PTPRF: variants seen among roughly 807,000 people sequenced by gnomAD.
PTPRF encodes the protein receptor-type tyrosine-protein phosphatase F.
In PTPRF, 59 loss-of-function variants were observed where a neutral mutation model predicts 201.8. That is an observed-to-expected ratio of 0.29 (90% CI 0.24 to 0.36). PTPRF has a LOEUF of 0.36. Ranked by LOEUF, PTPRF falls within the 10% of genes least tolerant of loss-of-function variation. The probability of loss-of-function intolerance (pLI) is 1.00; values close to 1 mark genes in which losing one functional copy is unlikely to be tolerated. For missense variants in PTPRF, 2,132 were observed against 2,690.5 expected (o/e 0.79, Z 4.59); for synonymous variants, 1,088 against 1,089.7 (o/e 1.00, Z 0.03).
chr1:43,560,262 T>C (rs780899663), intron 5 of PTPRF, among the ~76,000 whole-genome samples: 1 of 150,900 alleles, frequency 6.6e-6, no homozygotes, highest in South Asian at 2.1e-4. Context: ...TGTGTGTGTG[T>C]GTACATGCGC....
intron 23 of PTPRF, among the ~76,000 whole-genome samples, chr1:43,615,202 C>T (rs530106148): frequency 3.3e-5 from 5 of 152,308 alleles, no homozygotes; most frequent in Non-Finnish European, 4.4e-5. Flanking sequence ...AGTATGTCTG[C>T]GGCACAGCAA....
Position 43,617,824 on chromosome 1 carries a change from C to T in PTPRF, c.4284C>T (p.Pro1428=), listed in dbSNP as rs375830735. Residue 1428 remains proline, a synonymous_variant, in exon 25 of 34, where the codon CCC becomes CCT. Coordinates refer to ENST00000359947, the MANE Select transcript of PTPRF (RefSeq NM_002840.5). Reference sequence around the variant, plus strand: ...ACATCGCCACGCAGGGCCCCCTGCCCGAGACCATGGGTGATTTCTGGAGGA... The same window carrying T: ...ACATCGCCACGCAGGGCCCCCTGCCTGAGACCATGGGTGATTTCTGGAGGA... ...NAYIATQGPL[P]ETMGDFWRMV... The T allele has an allele frequency of 1.1e-4, 173 of 1,613,858 alleles. No homozygotes were observed. Among genetic ancestry groups the T allele is most frequent in the African/African-American group, 5.3e-4 (40 of 74,914 alleles).
At position 43,591,315 on chromosome 1, in the gene PTPRF, G is replaced by C. The variant is rs1557789818; in HGVS notation, c.1293G>C (p.Leu431=). The C allele has an allele frequency of 6.4e-7, 1 of 1,551,874 alleles. No homozygotes were observed. Among genetic ancestry groups the C allele is most frequent in the Non-Finnish European group, 8.7e-7 (1 of 1,149,298 alleles). ...GCATGCTGAGCGCCAGCACCATGCT[G>C]GTGCAGTGGGAGCCTCCCGAGGAGC... ...QARMLSASTM[L]VQWEPPEEPN... The change falls in exon 9 of 34, where the codon CTG becomes CTC. Residue 431 remains leucine, a synonymous_variant. Transcript: ENST00000359947.
At position 43,592,342 on chromosome 1, in the gene PTPRF, C is replaced by G. The variant is rs1035975003; in HGVS notation, c.1669-115C>G. The G allele has an allele frequency of 2.0e-5, 26 of 1,301,388 alleles. No homozygotes were observed. The African/African-American group carries it at 3.9e-4, about 19-fold the overall frequency. The allele number at this position is 1,301,388 out of a possible 1,614,324, so 80.6% of individuals were successfully genotyped here. On this transcript the variant is annotated intron_variant, in intron 10 of 33. Coordinates refer to ENST00000359947, the MANE Select transcript of PTPRF (RefSeq NM_002840.5). ...CTCCATGTGGCCTTATGGTGTGGAG[C>G]CAGTCCTGGAGCCGTGGTGGGTCCA...
At chr1:43,549,488 T>C (rs1003588434) in intron 3 of PTPRF, among the ~76,000 whole-genome samples, 2 of 152,060 alleles carry the variant, frequency 1.3e-5, no homozygotes, top group African/African-American at 4.8e-5. Flanking sequence ...GTGGCCTAGG[T>C]GGTGGGTCCA....
At chr1:43,551,976 C>G (rs1422092987) in intron 3 of PTPRF, among the ~76,000 whole-genome samples, 1 of 152,120 alleles carries the variant, frequency 6.6e-6, no homozygotes, top group Non-Finnish European at 1.5e-5. Flanking sequence ...CTCCCTACCC[C>G]GCTCCCATAG....
rs1243765158 is a variant in PTPRF at position 43,619,384 on chromosome 1, C to T, written c.4743C>T (p.Thr1581=). ...CGGTGGACATCTATGGCCACGTGACCTGCATGCGATCACAGAGGAACTACA... is the reference window on the plus strand; with the variant it reads ...CGGTGGACATCTATGGCCACGTGACTTGCATGCGATCACAGAGGAACTACA... ...EKTVDIYGHV[T]CMRSQRNYMV... Residue 1581 remains threonine (T), a synonymous_variant, in exon 28 of 34, where the codon ACC becomes ACT. Coordinates refer to ENST00000359947, the MANE Select transcript of PTPRF (RefSeq NM_002840.5). 6.2e-7 allele frequency: 1 copy of T among 1,614,112 alleles called. No individual in the cohort carries two copies.
chr1:43,570,910 G>T (rs1276514985), intron 6 of PTPRF, among the ~76,000 whole-genome samples: 1 of 152,194 alleles, frequency 6.6e-6, no homozygotes, highest in Non-Finnish European at 1.5e-5. Flanking sequence ...GCTGCCCAGC[G>T]CAGCACAGCG....
At chr1:43,585,729 A>G (rs1244812313) in intron 7 of PTPRF, among the ~76,000 whole-genome samples, 2 of 152,228 alleles carry the variant, frequency 1.3e-5, no homozygotes, top group Non-Finnish European at 2.9e-5. Context: ...TTTGGCCTGA[A>G]GACCCTGTCC....
intron 8 of PTPRF, among the ~76,000 whole-genome samples, chr1:43,590,107 G>GCTTTCCGTTTGCCATGTT (rs1650275081): frequency 6.6e-6 from 1 of 152,170 alleles, no homozygotes; most frequent in Non-Finnish European, 1.5e-5. Flanking sequence ...CGCGCCAGCT[G>GCTTTCCGTTTGCCATGTT]TCCAGACACA....
chr1:43,532,309 G>A (rs368047474), intron 1 of PTPRF, among the ~76,000 whole-genome samples: 2 of 152,330 alleles, frequency 1.3e-5, no homozygotes, highest in Admixed American at 1.3e-4. Context: ...GAGCAGGTTG[G>A]GGGTGGGGAG....
chr1:43,603,564 T>TGGGGCAGCAGGAGGGCA lies in PTPRF; in HGVS notation c.2458+33_2459-29dup. The TGGGGCAGCAGGAGGGCA allele has an allele frequency of 3.1e-6, 5 of 1,611,896 alleles. No individual in the cohort carries two copies. The highest frequency in any genetic ancestry group is 1.3e-5 in the African/African-American group (1 of 74,608). On this transcript the variant is annotated intron_variant, in intron 15 of 33. Transcript: ENST00000359947. The surrounding 1 kb of genome is among the most constrained non-coding windows in gnomAD (Gnocchi z 5.8). Reference sequence around the variant, plus strand: ...TGAGGGGTCAGGACGGACCTGAGGGTGGGGCAGCAGGAGGGCAGCGCCAGA... The same window carrying TGGGGCAGCAGGAGGGCA: ...TGAGGGGTCAGGACGGACCTGAGGGTGGGGCAGCAGGAGGGCAGGGGCAGCAGGAGGGCAGCGCCAGA...
At chr1:43,557,899 T>C (rs1169512022) in intron 5 of PTPRF, among the ~76,000 whole-genome samples, 1 of 152,128 alleles carries the variant, frequency 6.6e-6, no homozygotes, top group Non-Finnish European at 1.5e-5. Flanking sequence ...TGGCCAGCAT[T>C]GGGCTTGACA....
At chr1:43,532,153 C>G (rs1268854445) in intron 1 of PTPRF, among the ~76,000 whole-genome samples, 1 of 152,170 alleles carries the variant, frequency 6.6e-6, no homozygotes, top group Non-Finnish European at 1.5e-5. Context: ...TCACCCATCT[C>G]TTGGTGTCTC....
chr1:43,574,081 C>G (rs1646764132), intron 6 of PTPRF, among the ~76,000 whole-genome samples: 2 of 144,916 alleles, frequency 1.4e-5, no homozygotes, highest in South Asian at 4.5e-4. Flanking sequence ...ATCGCAACCT[C>G]TGCCTCCCAG....
chr1:43,593,241 G>T lies in PTPRF; in HGVS notation c.1813+640G>T, dbSNP rs980682729. 5.9e-5 allele frequency among the ~76,000 whole-genome samples: 9 copies of T among 152,362 alleles called. No individual in the cohort carries two copies. In the East Asian group the frequency reaches 1.5e-3, roughly 26 times the overall value. On this transcript the variant is annotated intron_variant, in intron 11 of 33. Coordinates refer to ENST00000359947, the MANE Select transcript of PTPRF (RefSeq NM_002840.5). ...TGTGAGAGACTCCGATGCTGCAGCT[G>T]TGGGAGTGGCACTGCCCATGAGTGT...
At chr1:43,539,033 C>T (rs1267702943) in intron 2 of PTPRF, among the ~76,000 whole-genome samples, 5 of 152,184 alleles carry the variant, frequency 3.3e-5, no homozygotes, top group African/African-American at 7.2e-5. Flanking sequence ...CATTCTTTCA[C>T]GGAACACTGT....
At chr1:43,550,461 C>T (rs1226533767) in intron 3 of PTPRF, among the ~76,000 whole-genome samples, 4 of 151,814 alleles carry the variant, frequency 2.6e-5, no homozygotes, top group Non-Finnish European at 5.9e-5. Context: ...GGCACTTTCT[C>T]CCTGGGTTTC....
chr1:43,564,157 A>G (rs761932548), intron 5 of PTPRF, among the ~76,000 whole-genome samples: 30 of 152,070 alleles, frequency 2.0e-4, no homozygotes, highest in Non-Finnish European at 3.4e-4. Flanking sequence ...GCGAAGGGAG[A>G]TGGGCCCAAG....
Sources: allele counts gnomAD v4.1 joint callset (sites outside exome capture counted in the v4.1 genomes callset), GRCh38; gene constraint gnomAD v4.1.1; non-coding constraint Gnocchi (gnomAD v3.1); transcripts MANE v1.5; gene names NCBI Gene and HGNC (gene_info 2026-07-23, HGNC 2026-07-21).